Variants in STXBP5 observed in about 807,000 individuals in gnomAD.
STXBP5 encodes syntaxin-binding protein 5.
STXBP5 carries 50 observed loss-of-function variants against 152.4 expected under a neutral mutation model. The observed-to-expected ratio is 0.33, with a 90% CI of 0.26 to 0.42. The LOEUF is 0.42. STXBP5 is among the 10% of genes least tolerant of loss of function. The pLI, the probability that STXBP5 is intolerant of heterozygous loss-of-function variation, is 1.00. For missense variants in STXBP5, 1,167 were observed against 1,388.6 expected, an observed-to-expected ratio of 0.84 and a Z score of 2.54; for synonymous variants, 492 against 494.7, an observed-to-expected ratio of 0.99 and a Z score of 0.07.
intron 2 of STXBP5, among the ~76,000 whole-genome samples, chr6:147,234,742 A>G (rs1305141890): frequency 6.6e-6 from 1 of 151,988 alleles, no homozygotes; most frequent in Non-Finnish European, 1.5e-5. Context: ...TTAGAAACAT[A>G]GTTATGTGGT....
intron 16 of STXBP5, among the ~76,000 whole-genome samples, chr6:147,317,326 T>A (rs1022458547): frequency 1.3e-5 from 2 of 152,084 alleles, no homozygotes; most frequent in Non-Finnish European, 1.5e-5. Flanking sequence ...AACGGATAGA[T>A]TTTTTTTATA....
At chr6:147,239,334 T>A in intron 4 of STXBP5, 64 bp downstream of exon 4, 1 of 1,460,912 alleles carries the variant, frequency 6.8e-7, no homozygotes, top group Non-Finnish European at 9.5e-7. Flanking sequence ...TGAATTTCAG[T>A]CTTTGATTTT....
At chr6:147,323,513 TC>T (rs909850355) in intron 16 of STXBP5, among the ~76,000 whole-genome samples, 5 of 151,962 alleles carry the variant, frequency 3.3e-5, no homozygotes, top group African/African-American at 1.2e-4. Flanking sequence ...TGCCTCAGCC[TC>T]CCGAGTAGCT....
intron 5 of STXBP5, among the ~76,000 whole-genome samples, chr6:147,261,529 AAGG>A (rs1779638231): frequency 6.6e-6 from 1 of 152,066 alleles, no homozygotes; most frequent in Non-Finnish European, 1.5e-5. Context: ...TTTTTGAGAT[AAGG>A]ATAATTCTGT....
At chr6:147,378,822 AG>A (rs1482365904) in intron 26 of STXBP5, among the ~76,000 whole-genome samples, 1 of 152,184 alleles carries the variant, frequency 6.6e-6, no homozygotes, top group African/African-American at 2.4e-5. Flanking sequence ...CTATTTGTGT[AG>A]TTTTCTGTTG....
At chr6:147,210,433 T>C (rs1776789805) in intron 2 of STXBP5, among the ~76,000 whole-genome samples, 1 of 152,220 alleles carries the variant, frequency 6.6e-6, no homozygotes, top group South Asian at 2.1e-4. Flanking sequence ...TCCAGAATTT[T>C]GTTACTGAAT....
chr6:147,236,480 T>TA lies in STXBP5; in HGVS notation c.330+1150dup, dbSNP rs563158546. 3.0e-4 allele frequency among the ~76,000 whole-genome samples: 45 copies of TA among 152,300 alleles called. No individual in the cohort carries two copies. In the South Asian group the frequency reaches 5.4e-3, roughly 18 times the overall value. ...CCTTCTTTTAGCTTCTCCCAATAGT[T>TA]ACATTTTATATAACAATAGTATGAT... On this transcript the variant is annotated intron_variant, in intron 3 of 27. Transcript: ENST00000321680.
intron 2 of STXBP5, among the ~76,000 whole-genome samples, chr6:147,219,249 C>G (rs934498513): frequency 6.6e-5 from 10 of 152,156 alleles, no homozygotes; most frequent in African/African-American, 2.2e-4. Context: ...TTGAACTAGA[C>G]TTGCATACCT....
chr6:147,234,928 CT>C (rs1778193248), intron 2 of STXBP5, among the ~76,000 whole-genome samples: 2 of 151,918 alleles, frequency 1.3e-5, no homozygotes, highest in African/African-American at 4.8e-5. Context: ...CTTTTGTCTT[CT>C]TTTTGTTATT....
chr6:147,355,737 G>C (rs1784787134), intron 22 of STXBP5, among the ~76,000 whole-genome samples: 1 of 152,060 alleles, frequency 6.6e-6, no homozygotes. Flanking sequence ...TAGTTATGTA[G>C]ATTCAATAAA....
At chr6:147,349,958 T>G (rs1784515220) in intron 21 of STXBP5, among the ~76,000 whole-genome samples, 1 of 152,204 alleles carries the variant, frequency 6.6e-6, no homozygotes, top group African/African-American at 2.4e-5. Flanking sequence ...TAAAATTTTA[T>G]CCAAATATAA....
At chr6:147,368,686 G>A (rs1785407720) in intron 25 of STXBP5, among the ~76,000 whole-genome samples, 1 of 152,026 alleles carries the variant, frequency 6.6e-6, no homozygotes, top group Non-Finnish European at 1.5e-5. Flanking sequence ...ATGATCATCA[G>A]TATAGGAAAT....
At chr6:147,364,487 C>T (rs1203511510) in intron 25 of STXBP5, among the ~76,000 whole-genome samples, 1 of 152,136 alleles carries the variant, frequency 6.6e-6, no homozygotes, top group Non-Finnish European at 1.5e-5. Context: ...ACACACAGTC[C>T]TTTTTAAAGA....
intron 8 of STXBP5, among the ~76,000 whole-genome samples, chr6:147,289,961 G>C (rs1781196961): frequency 6.6e-6 from 1 of 152,318 alleles, no homozygotes; most frequent in East Asian, 1.9e-4. Flanking sequence ...AGCACTTCAG[G>C]AGACTGCGGC....
intron 2 of STXBP5, among the ~76,000 whole-genome samples, chr6:147,213,477 T>TGTGCGCGCGCGCGCGCGCGCAC: frequency 7.6e-6 from 1 of 131,278 alleles, no homozygotes; most frequent in Non-Finnish European, 1.6e-5. Flanking sequence ...TGTGTGTGTG[T>TGTGCGCGCGCGCGCGCGCGCAC]GCGCGCGCAT....
intron 6 of STXBP5, among the ~76,000 whole-genome samples, chr6:147,265,075 C>T (rs771969082): frequency 1.3e-5 from 2 of 152,134 alleles, no homozygotes; most frequent in Non-Finnish European, 2.9e-5. Context: ...TCTTTTTCTT[C>T]TCTTTCCTTA....
intron 25 of STXBP5, among the ~76,000 whole-genome samples, chr6:147,365,783 G>A (rs1222373593): frequency 6.6e-6 from 1 of 152,040 alleles, no homozygotes. Flanking sequence ...ACTATACCTT[G>A]GTTCCCTGAG....
chr6:147,384,703 T>TC lies in STXBP5; in HGVS notation c.3415-6dup, dbSNP rs950072056. ...TTTAAAAGCATGTTTTTCTTTTTTT[T>TC]CCCCCTTTAGATTATGTTGAAATAC... is the stretch of plus-strand genomic sequence containing the variant. On this transcript the variant is annotated splice_polypyrimidine_tract_variant and intron_variant, in intron 27 of 27. Transcript: ENST00000321680. 4.4e-6 allele frequency: 7 copies of TC among 1,608,296 alleles called. No individual in the cohort carries two copies. Among genetic ancestry groups the TC allele is most frequent in the East Asian group, 4.5e-5 (2 of 44,812 alleles).
At chr6:147,354,030 A>C (rs1784709530) in intron 22 of STXBP5, among the ~76,000 whole-genome samples, 1 of 152,152 alleles carries the variant, frequency 6.6e-6, no homozygotes, top group Admixed American at 6.6e-5. Flanking sequence ...TATCTTTTTA[A>C]ACTCATTTTT....
Sources: allele counts gnomAD v4.1 joint callset (sites outside exome capture counted in the v4.1 genomes callset), GRCh38; gene constraint gnomAD v4.1.1; transcripts MANE v1.5; gene names NCBI Gene and HGNC (gene_info 2026-07-23, HGNC 2026-07-21).